The following POLN variants were observed in gnomAD, a reference collection of about 807,000 sequenced individuals.
POLN encodes the protein DNA polymerase N.
Under a neutral mutation model 113.5 loss-of-function variants are expected in POLN, and 108 were observed. The ratio of observed to expected loss-of-function variants is 0.95; its 90% CI spans 0.81 to 1.12. The LOEUF (loss-of-function observed/expected upper bound fraction) is 1.12. Ranked by LOEUF, POLN falls within the 50% of genes most tolerant of loss-of-function variation. POLN has a pLI of 0.00. For missense variants in POLN, 1,097 were observed against 1,077.1 expected (o/e 1.02, Z -0.26); for synonymous variants, 386 against 391.5 (o/e 0.99, Z 0.17).
intron 19 of POLN, among the ~76,000 whole-genome samples, chr4:2,113,831 C>G (rs1350459260): frequency 1.3e-5 from 2 of 150,160 alleles, no homozygotes; most frequent in African/African-American, 4.9e-5. Context: ...GCGTGCTGGC[C>G]TGGGTGACAG....
chr4:2,203,397 T>C (rs1339372125), intron 5 of POLN, among the ~76,000 whole-genome samples: 8 of 151,772 alleles, frequency 5.3e-5, no homozygotes, highest in Admixed American at 5.2e-4. Flanking sequence ...CTGGCCAACA[T>C]GGTGAAATTC....
intron 2 of POLN, chr4:2,238,587 C>T: frequency 6.9e-7 from 1 of 1,450,350 alleles, no homozygotes; most frequent in Non-Finnish European, 9.3e-7. Flanking sequence ...ACTAAAGAAA[C>T]AATGAAGCAT....
chr4:2,137,243 G>A (rs1321548153), intron 16 of POLN, among the ~76,000 whole-genome samples: 1 of 152,236 alleles, frequency 6.6e-6, no homozygotes, highest in Non-Finnish European at 1.5e-5. Context: ...TAAGTAACTT[G>A]CTAGAGTAAC....
chr4:2,129,812 C>A (rs377238762), intron 17 of POLN, among the ~76,000 whole-genome samples: 2 of 152,250 alleles, frequency 1.3e-5, no homozygotes, highest in South Asian at 2.1e-4. Flanking sequence ...ACGTTGACAA[C>A]CAAATGCATT....
chr4:2,211,300 A>G (rs895588696), intron 4 of POLN, among the ~76,000 whole-genome samples: 7 of 146,764 alleles, frequency 4.8e-5, no homozygotes, highest in Non-Finnish European at 8.9e-5. Flanking sequence ...AATAATAATA[A>G]GAGGATTGTG....
At chr4:2,211,997 C>T (rs1379956508) in intron 4 of POLN, among the ~76,000 whole-genome samples, 1 of 152,148 alleles carries the variant, frequency 6.6e-6, no homozygotes, top group Non-Finnish European at 1.5e-5. Context: ...CTTCCCTCCA[C>T]TCCAAGGGCA....
chr4:2,122,230 T>C (rs1444278501), intron 19 of POLN, among the ~76,000 whole-genome samples: 1 of 152,210 alleles, frequency 6.6e-6, no homozygotes, highest in Non-Finnish European at 1.5e-5. Context: ...TCTTCCTGCC[T>C]GAACTAAAAC....
At chr4:2,083,069 T>C (rs529519657) in intron 21 of POLN, 1 of 152,206 alleles carries the variant, frequency 6.6e-6, no homozygotes, top group Admixed American at 6.5e-5. Flanking sequence ...CCTAGTTCCA[T>C]GGTAACTCTG....
chr4:2,185,063 C>T (rs1733237111), intron 7 of POLN, among the ~76,000 whole-genome samples: 1 of 152,072 alleles, frequency 6.6e-6, no homozygotes, highest in African/African-American at 2.4e-5. Context: ...AGTGTTATAG[C>T]TAATAAATGA....
At chr4:2,128,915 C>T (rs1245563009) in intron 18 of POLN, among the ~76,000 whole-genome samples, 1 of 151,972 alleles carries the variant, frequency 6.6e-6, no homozygotes, top group Non-Finnish European at 1.5e-5. Context: ...ACTAGCCAGG[C>T]ATGGTGGCAC....
intron 12 of POLN, 123 bp downstream of exon 12, chr4:2,170,975 G>C (rs1732846583): frequency 1.0e-6 from 1 of 964,972 alleles, no homozygotes; most frequent in Admixed American, 2.6e-5. Context: ...ACTTGTGAGA[G>C]AACATGAAAA....
chr4:2,184,820 A>G (rs1013915979), intron 7 of POLN, among the ~76,000 whole-genome samples: 15 of 152,348 alleles, frequency 9.8e-5, no homozygotes, highest in South Asian at 2.1e-4. Context: ...TAACTCATCA[A>G]AGATCATGTG....
Position 2,073,031 on chromosome 4 carries a change from T to C in POLN, c.2456-2A>G, listed in dbSNP as rs896924153. The C allele has an allele frequency of 6.2e-7, 1 of 1,613,254 alleles. No homozygotes were observed. Among genetic ancestry groups the C allele is most frequent in the African/African-American group, 1.3e-5 (1 of 75,044 alleles). ...ACTCCATGGTCCTCCTGACGAGAGCTAGAGTGCGGAAGAGAGAGGAGGCCC... is the reference window on the plus strand; with the variant it reads ...ACTCCATGGTCCTCCTGACGAGAGCCAGAGTGCGGAAGAGAGAGGAGGCCC... On this transcript the variant is annotated splice_acceptor_variant, in intron 24 of 25. Coordinates refer to ENST00000511885, the MANE Select transcript of POLN (RefSeq NM_181808.4). LOFTEE classifies it high-confidence loss of function.
intron 6 of POLN, among the ~76,000 whole-genome samples, chr4:2,194,121 T>G (rs1733520014): frequency 1.3e-5 from 2 of 152,120 alleles, no homozygotes; most frequent in African/African-American, 4.8e-5. Context: ...CTAGAACCAT[T>G]TTACAGATGA....
intron 16 of POLN, among the ~76,000 whole-genome samples, chr4:2,141,554 G>A (rs1033853681): frequency 2.6e-5 from 4 of 152,168 alleles, no homozygotes; most frequent in African/African-American, 7.2e-5. Context: ...ACTGCGGTGC[G>A]TTCTGTGCTC....
At chr4:2,073,134 G>A in intron 24 of POLN, 105 bp from the exon 25 acceptor site, 1 of 1,112,062 alleles carries the variant, frequency 9.0e-7, no homozygotes, top group Non-Finnish European at 1.3e-6. Flanking sequence ...CGGCCCCTGA[G>A]CCCCCTTGTT....
chr4:2,215,064 T>C (rs1734080407), intron 3 of POLN, among the ~76,000 whole-genome samples: 2 of 152,142 alleles, frequency 1.3e-5, no homozygotes, highest in Non-Finnish European at 2.9e-5. Context: ...CAGAAATATA[T>C]GCAACAGTAA....
chr4:2,130,307 G>A (rs1235459350), intron 17 of POLN, among the ~76,000 whole-genome samples: 2 of 140,544 alleles, frequency 1.4e-5, no homozygotes, highest in Admixed American at 7.1e-5. Context: ...GAGGGGAGGG[G>A]AGGGGAGGGG....
chr4:2,072,120 A>G lies in POLN; in HGVS notation c.2697T>C (p.Cys899=), dbSNP rs559788320. The change falls in exon 26 of 26, where the codon TGT becomes TGC. Residue 899 remains cysteine (C), a synonymous_variant. Coordinates refer to ENST00000511885, the MANE Select transcript of POLN (RefSeq NM_181808.4). ...PPPLHFSPSF[C]L ...CTCCCACTGTTGCCTGGGGCTACAG[A>G]CAAAATGAAGGCGAAAAATGCAGGG... The G allele has an allele frequency of 6.2e-7, 1 of 1,613,024 alleles. No homozygotes were observed. Among genetic ancestry groups the G allele is most frequent in the African/African-American group, 1.3e-5 (1 of 75,038 alleles).
Sources: allele counts gnomAD v4.1 joint callset (sites outside exome capture counted in the v4.1 genomes callset), GRCh38; gene constraint gnomAD v4.1.1; transcripts MANE v1.5; gene names NCBI Gene and HGNC (gene_info 2026-07-23, HGNC 2026-07-21).